ENDOD1: variants seen among roughly 807,000 people sequenced by gnomAD.
ENDOD1 encodes the protein endonuclease domain-containing 1 protein.
ENDOD1 carries 9 observed loss-of-function variants against 6.5 expected under a neutral mutation model. That is an observed-to-expected ratio of 1.39 (90% CI 0.84 to 2.43). The LOEUF is 2.43. ENDOD1 is among the 30% of genes most tolerant of loss of function. The pLI is 0.00. For missense variants in ENDOD1, 648 were observed against 635.5 expected (o/e 1.02, Z -0.21); for synonymous variants, 255 against 255.2 (o/e 1.00, Z 0.01).
chr11:95,121,956 G>C (rs1405806123), intron 1 of ENDOD1, among the ~76,000 whole-genome samples: 1 of 152,072 alleles, frequency 6.6e-6, no homozygotes, highest in Non-Finnish European at 1.5e-5. Flanking sequence ...GATTCCACTG[G>C]GATACTAAAG....
Position 95,089,983 on chromosome 11 carries a change from T to C in ENDOD1, c.56T>C (p.Leu19Pro). The part of the protein sequence containing the change: ...LGSLFALAGL[L>P]EGRLVGEEEA... The stretch of plus-strand genomic sequence containing the variant: ...AGCCTCTTCGCCCTGGCTGGGCTGC[T>C]GGAAGGCCGGCTCGTGGGCGAGGAG... The change falls in exon 1 of 2, where the codon CTG becomes CCG. Residue 19 changes from leucine to proline, a missense_variant. Leu to Pro is a moderately conservative substitution (Grantham distance 98). Transcript: ENST00000278505. 6.4e-7 allele frequency: 1 copy of C among 1,552,456 alleles called. No homozygotes were observed. The highest frequency in any genetic ancestry group is 8.7e-7 in the Non-Finnish European group (1 of 1,150,262).
intron 1 of ENDOD1, among the ~76,000 whole-genome samples, chr11:95,101,756 A>G (rs1378067896): frequency 6.6e-6 from 1 of 152,198 alleles, no homozygotes; most frequent in South Asian, 2.1e-4. Flanking sequence ...GCCACATCTA[A>G]TAAGCCCCTC....
intron 1 of ENDOD1, among the ~76,000 whole-genome samples, chr11:95,121,085 CTA>C (rs1306750146): frequency 1.3e-5 from 2 of 152,112 alleles, no homozygotes; most frequent in Non-Finnish European, 2.9e-5. Context: ...ATTGGTTTTC[CTA>C]TGTTTTTAGT....
At chr11:95,091,473 G>C (rs1555109868) in intron 1 of ENDOD1, among the ~76,000 whole-genome samples, 1 of 152,216 alleles carries the variant, frequency 6.6e-6, no homozygotes, top group African/African-American at 2.4e-5. Context: ...GACGTTGTCA[G>C]TTGCACACAC....
intron 1 of ENDOD1, among the ~76,000 whole-genome samples, chr11:95,099,982 C>T (rs1444813777): frequency 2.6e-5 from 4 of 152,152 alleles, no homozygotes; most frequent in African/African-American, 9.7e-5. Context: ...GTTCTCGGGA[C>T]ACGCAGAAAC....
In ENDOD1 at chr11:95,129,590, C is replaced by A. The variant is rs1266779203; in HGVS notation, c.*11C>A. ...TCTGGGGAGTTATAAACTCAAAAAA[C>A]TAATAGTATCCAGTCACAGTGAATT... On this transcript the variant is annotated 3_prime_UTR_variant, in exon 2 of 2. Coordinates refer to ENST00000278505, the MANE Select transcript of ENDOD1 (RefSeq NM_015036.3). The A allele has an allele frequency of 1.9e-6, 3 of 1,600,972 alleles. No individual in the cohort carries two copies. In the Admixed American group the frequency reaches 5.1e-5, roughly 27 times the overall value.
At chr11:95,125,750 G>A (rs369967516) in intron 1 of ENDOD1, among the ~76,000 whole-genome samples, 15 of 152,002 alleles carry the variant, frequency 9.9e-5, no homozygotes, top group African/African-American at 3.1e-4. Flanking sequence ...AGCTTCATCC[G>A]TGTCCCTACA....
At position 95,093,719 on chromosome 11, in the gene ENDOD1, G is replaced by C. The variant is rs1209289740; in HGVS notation, c.300+3492G>C. Among the ~76,000 whole-genome samples the C allele has an allele frequency of 3.3e-5, 5 of 152,274 alleles. No individual in the cohort carries two copies. The South Asian group carries it at 1.0e-3, about 32-fold the overall frequency. ...GGAGCAGGTGAGATGTTCTGCTTCA[G>C]TTTTCTCAGTGGGGCGCTTCCTGTT... On this transcript the variant is annotated intron_variant, in intron 1 of 1. Coordinates refer to ENST00000278505, the MANE Select transcript of ENDOD1 (RefSeq NM_015036.3).
chr11:95,117,375 C>T (rs1272006883), intron 1 of ENDOD1, among the ~76,000 whole-genome samples: 1 of 152,232 alleles, frequency 6.6e-6, no homozygotes, highest in Non-Finnish European at 1.5e-5. Context: ...AGCCACTGCA[C>T]TCCAGCCTGG....
At chr11:95,115,714 A>G (rs1004532764) in intron 1 of ENDOD1, among the ~76,000 whole-genome samples, 4 of 152,122 alleles carry the variant, frequency 2.6e-5, no homozygotes, top group Non-Finnish European at 5.9e-5. Context: ...GTTGAATTCT[A>G]TCAAATGCTT....
intron 1 of ENDOD1, among the ~76,000 whole-genome samples, chr11:95,093,194 C>G (rs1858947822): frequency 6.6e-6 from 1 of 152,256 alleles, no homozygotes; most frequent in Non-Finnish European, 1.5e-5. Flanking sequence ...TTTACAGGCT[C>G]TCCATAGCCT....
intron 1 of ENDOD1, among the ~76,000 whole-genome samples, chr11:95,108,534 C>CACACACAAAAAAA (rs1176686943): frequency 1.4e-5 from 2 of 141,756 alleles, no homozygotes; most frequent in African/African-American, 5.1e-5. Flanking sequence ...CACAGACACC[C>CACACACAAAAAAA]AAAAAAAGAA....
intron 1 of ENDOD1, among the ~76,000 whole-genome samples, chr11:95,108,201 A>G (rs1475338462): frequency 2.0e-5 from 3 of 152,204 alleles, no homozygotes; most frequent in African/African-American, 7.2e-5. Flanking sequence ...CTGAAATGCA[A>G]GTAGAACACC....
In ENDOD1 at chr11:95,132,447, A is replaced by G. The variant is rs1859379821; in HGVS notation, c.*2868A>G. The G allele has an allele frequency of 6.6e-6, 1 of 152,334 alleles. No individual in the cohort carries two copies. The highest frequency in any genetic ancestry group is 1.5e-5 in the Non-Finnish European group (1 of 68,042). 9.4% of individuals were successfully genotyped at this position (152,334 alleles called of 1,614,324 possible). ...CCTAGTGGAGAGAACACATGGTACA[A>G]TCGTAACACATGAAGGACAAGTAAG... On this transcript the variant is annotated 3_prime_UTR_variant, in exon 2 of 2. Coordinates refer to ENST00000278505, the MANE Select transcript of ENDOD1 (RefSeq NM_015036.3).
chr11:95,101,634 G>A (rs1451720020), intron 1 of ENDOD1, among the ~76,000 whole-genome samples: 7 of 152,216 alleles, frequency 4.6e-5, no homozygotes, highest in East Asian at 3.9e-4. Context: ...TTTACAATTT[G>A]TGTGTATTTA....
rs757435444 is a variant in ENDOD1, at chr11:95,129,852, C to T, written c.*273C>T. 1 of 315,668 alleles carries T rather than the reference C, an allele frequency of 3.2e-6. No homozygotes were observed. Among genetic ancestry groups the T allele is most frequent in the Non-Finnish European group, 5.9e-6 (1 of 170,686 alleles). 19.6% of individuals were successfully genotyped at this position (315,668 alleles called of 1,614,324 possible). ...CTTCAGTTATGCACTCTAACACAGA[C>T]GACCACCTGAAATGCACTGGTATTT... is the stretch of plus-strand genomic sequence containing the variant. On this transcript the variant is annotated 3_prime_UTR_variant, in exon 2 of 2. Transcript: ENST00000278505.
chr11:95,125,601 A>G (rs1256372), intron 1 of ENDOD1, among the ~76,000 whole-genome samples: 1 of 113,902 alleles, frequency 8.8e-6, no homozygotes, highest in Non-Finnish European at 1.8e-5. Flanking sequence ...CCCTCCCCCA[A>G]CCCCACAACC....
chr11:95,122,818 A>G (rs1591019737), intron 1 of ENDOD1, among the ~76,000 whole-genome samples: 1 of 152,192 alleles, frequency 6.6e-6, no homozygotes, highest in East Asian at 1.9e-4. Flanking sequence ...TAGGTTAAAA[A>G]ACTGGTCTTA....
At position 95,128,977 on chromosome 11, in the gene ENDOD1, A is replaced by T. The variant is rs1383035931; in HGVS notation, c.901A>T (p.Ser301Cys). 6 of 1,614,022 alleles carry T rather than the reference A, an allele frequency of 3.7e-6. No individual in the cohort carries two copies. Among genetic ancestry groups the T allele is most frequent in the Non-Finnish European group, 5.1e-6 (6 of 1,180,006 alleles). The change falls in exon 2 of 2, where the codon AGT becomes TGT. Residue 301 changes from serine to cysteine, a missense_variant. Coordinates refer to ENST00000278505, the MANE Select transcript of ENDOD1 (RefSeq NM_015036.3). ...AGAACGAATGGTACAATCTCAAAAG[A>T]GTTCTAGTCCCCTTTCTAGCACCAG... is the stretch of plus-strand genomic sequence containing the variant. The part of the protein sequence containing the change: ...DEERMVQSQK[S>C]SSPLSSTRSK...
Sources: allele counts gnomAD v4.1 joint callset (sites outside exome capture counted in the v4.1 genomes callset), GRCh38; gene constraint gnomAD v4.1.1; transcripts MANE v1.5; gene names NCBI Gene and HGNC (gene_info 2026-07-23, HGNC 2026-07-21).